IQSEC1: variants seen among roughly 807,000 people sequenced by gnomAD.
IQSEC1 encodes the protein IQ motif and SEC7 domain-containing protein 1.
In IQSEC1, 31 loss-of-function variants were observed where a neutral mutation model predicts 91.0. The observed-to-expected ratio is 0.34, with a 90% CI of 0.26 to 0.46. IQSEC1 has a LOEUF of 0.46. Ranked by LOEUF, IQSEC1 falls within the 20% of genes least tolerant of loss-of-function variation. The pLI, the probability that IQSEC1 is intolerant of heterozygous loss-of-function variation, is 1.00. For missense variants in IQSEC1, 1,388 were observed against 1,575.6 expected, an observed-to-expected ratio of 0.88 and a Z score of 2.02; for synonymous variants, 699 against 662.6, an observed-to-expected ratio of 1.05 and a Z score of -0.84.
intron 1 of IQSEC1, among the ~76,000 whole-genome samples, chr3:12,955,625 T>C (rs1488064074): frequency 6.6e-6 from 1 of 152,160 alleles, no homozygotes; most frequent in Non-Finnish European, 1.5e-5. Context: ...GTAACAGGCT[T>C]AAAACAGGAA....
chr3:13,280,165 G>A (rs1050618136), intron 1 of IQSEC1, among the ~76,000 whole-genome samples: 4 of 152,174 alleles, frequency 2.6e-5, no homozygotes, highest in South Asian at 2.1e-4. Flanking sequence ...CATGGTCACC[G>A]GCTGGGAAGT....
rs148992872 is a variant in IQSEC1 at position 12,953,286 on chromosome 3, G to A, written c.24-11421C>T. Reference sequence around the variant, plus strand: ...GAGCCTGGAACTGCCGGGGCAGCCCGACCCGATCCGCGAGGGACACTGAGG... The same window carrying A: ...GAGCCTGGAACTGCCGGGGCAGCCCAACCCGATCCGCGAGGGACACTGAGG... On this transcript the variant is annotated intron_variant, in intron 1 of 13. Transcript: ENST00000613206. Among the ~76,000 whole-genome samples, 147 of 152,324 alleles carry A rather than the reference G, an allele frequency of 9.7e-4. 1 individual carries two copies. The highest frequency in any genetic ancestry group is 3.4e-3 in the African/African-American group (141 of 41,566).
intron 1 of IQSEC1, among the ~76,000 whole-genome samples, chr3:13,042,605 T>A (rs1259457755): frequency 6.6e-6 from 1 of 152,242 alleles, no homozygotes; most frequent in East Asian, 1.9e-4. Context: ...CTCATGCTGC[T>A]GCTGTCTCTG....
intron 2 of IQSEC1, among the ~76,000 whole-genome samples, chr3:13,104,578 C>G (rs1450047404): frequency 6.6e-6 from 1 of 152,200 alleles, no homozygotes; most frequent in Non-Finnish European, 1.5e-5. Context: ...CATCCTCTTT[C>G]CCCTGTGCAC....
At chr3:13,069,614 T>C (rs1705348794) in intron 1 of IQSEC1, among the ~76,000 whole-genome samples, 1 of 152,140 alleles carries the variant, frequency 6.6e-6, no homozygotes, top group Non-Finnish European at 1.5e-5. Flanking sequence ...AGGCAGTGAA[T>C]GAATGATTGA....
At chr3:12,956,025 A>C (rs1395761665) in intron 1 of IQSEC1, among the ~76,000 whole-genome samples, 1 of 152,170 alleles carries the variant, frequency 6.6e-6, no homozygotes, top group Non-Finnish European at 1.5e-5. Flanking sequence ...TTTTATATGA[A>C]AATCTAAGTT....
At position 13,061,105 on chromosome 3, in the gene IQSEC1, T is replaced by C. The variant is rs1033785630; in HGVS notation, c.23+11887A>G. ...TCCCAGGCCACGCGTGGCCTGGCCCTCCCTGAGAAGTTGCTCTTGCTCAGG... is the reference window on the plus strand; with the variant it reads ...TCCCAGGCCACGCGTGGCCTGGCCCCCCCTGAGAAGTTGCTCTTGCTCAGG... On this transcript the variant is annotated intron_variant, in intron 1 of 13. Coordinates refer to ENST00000613206, the MANE Select transcript of IQSEC1 (RefSeq NM_001134382.3). Among the ~76,000 whole-genome samples, 7 of 152,216 alleles carry C rather than the reference T, an allele frequency of 4.6e-5. No individual in the cohort carries two copies. In the South Asian group the frequency reaches 6.2e-4, roughly 14 times the overall value.
intron 2 of IQSEC1, among the ~76,000 whole-genome samples, chr3:13,079,343 A>T (rs1191466621): frequency 6.6e-6 from 1 of 152,256 alleles, no homozygotes; most frequent in Non-Finnish European, 1.5e-5. Context: ...CAGGCATGGG[A>T]AACAAGGTGA....
At chr3:12,925,399 T>C (rs1697031615) in intron 3 of IQSEC1, among the ~76,000 whole-genome samples, 1 of 152,178 alleles carries the variant, frequency 6.6e-6, no homozygotes, top group African/African-American at 2.4e-5. Flanking sequence ...CCTGCGGTGC[T>C]CAGGAGCCCA....
chr3:12,901,039 G>A lies in IQSEC1; in HGVS notation c.3289C>T (p.Pro1097Ser). 1 of 1,543,094 alleles carries A rather than the reference G, an allele frequency of 6.5e-7. No homozygotes were observed. Among genetic ancestry groups the A allele is most frequent in the Non-Finnish European group, 8.7e-7 (1 of 1,146,502 alleles). Residue 1097 changes from proline to serine, a missense_variant, in exon 14 of 14, where the codon CCG (proline) becomes TCG (serine). Coordinates refer to ENST00000613206, the MANE Select transcript of IQSEC1 (RefSeq NM_001134382.3). The part of the protein sequence containing the change: ...TVHHHGQPPA[P>S]PPPTSSKAKP... ...GCCTTGCTGCTGGTGGGGGGCGGCG[G>A]GGCAGGGGGCTGCCCATGGTGGTGC...
chr3:13,199,873 GCCACACACACACA>G (rs1559275939), intron 1 of IQSEC1, among the ~76,000 whole-genome samples: 1 of 151,322 alleles, frequency 6.6e-6, no homozygotes, highest in East Asian at 1.9e-4. Context: ...ACACACATAT[GCCACACACACACA>G]CCACACACAC....
Position 12,897,842 on chromosome 3 carries a change from A to C in IQSEC1, c.*3141T>G, listed in dbSNP as rs1693803240. 1 of 152,220 alleles carries C rather than the reference A, an allele frequency of 6.6e-6. No homozygotes were observed. Among genetic ancestry groups the C allele is most frequent in the South Asian group, 2.1e-4 (1 of 4,830 alleles). The allele number at this position is 152,220 out of a possible 1,614,324, so 9.4% of individuals were successfully genotyped here. On this transcript the variant is annotated 3_prime_UTR_variant, in exon 14 of 14. Coordinates refer to ENST00000613206, the MANE Select transcript of IQSEC1 (RefSeq NM_001134382.3). The stretch of plus-strand genomic sequence containing the variant: ...CAGTGTGTGAGGGAAAGATCACTGC[A>C]CTGGGTGCTGAAGACATTTTTAAGC...
chr3:12,982,802 A>G (rs894810180), intron 1 of IQSEC1, among the ~76,000 whole-genome samples: 3 of 152,220 alleles, frequency 2.0e-5, no homozygotes, highest in African/African-American at 7.2e-5. Context: ...GTTGTTGGTC[A>G]CTTCAGGAAA....
At chr3:13,237,247 T>A (rs947511000) in intron 1 of IQSEC1, among the ~76,000 whole-genome samples, 2 of 152,186 alleles carry the variant, frequency 1.3e-5, no homozygotes, top group Non-Finnish European at 2.9e-5. Context: ...GGATGACGCC[T>A]GAGCAAGAGT....
chr3:13,023,978 T>C (rs1473729751), intron 1 of IQSEC1, among the ~76,000 whole-genome samples: 1 of 152,200 alleles, frequency 6.6e-6, no homozygotes, highest in African/African-American at 2.4e-5. Context: ...GTTTTTTCTT[T>C]AAGCTTCCCC....
Position 12,902,830 on chromosome 3 carries a change from G to A in IQSEC1, c.2756-8C>T. 6.2e-7 allele frequency: 1 copy of A among 1,610,876 alleles called. No individual in the cohort carries two copies. The highest frequency in any genetic ancestry group is 8.5e-7 in the Non-Finnish European group (1 of 1,177,114). On this transcript the variant is annotated splice_region_variant and splice_polypyrimidine_tract_variant and intron_variant, in intron 12 of 13. Coordinates refer to ENST00000613206, the MANE Select transcript of IQSEC1 (RefSeq NM_001134382.3). ...TGCGACGCCCTCGCTTCCCTGCCCA[G>A]AACATGCAATACCAGAAGTTAGACG... is the stretch of plus-strand genomic sequence containing the variant.
At position 12,970,905 on chromosome 3, in the gene IQSEC1, C is replaced by T. The variant is rs1700861204; in HGVS notation, c.24-29040G>A. On this transcript the variant is annotated intron_variant, in intron 1 of 13. Coordinates refer to ENST00000613206, the MANE Select transcript of IQSEC1 (RefSeq NM_001134382.3). This position sits in a 1 kb window ranked among gnomAD's most constrained non-coding sequence, Gnocchi z 4.4. ...TCCTTCCCTGCAGCAGCCCCTGTGC[C>T]GACAGTGGAGCCTGGTGCACAGAAG... 6.6e-6 allele frequency among the ~76,000 whole-genome samples: 1 copy of T among 152,208 alleles called. No homozygotes were observed. Among genetic ancestry groups the T allele is most frequent in the Admixed American group, 6.5e-5 (1 of 15,276 alleles).
chr3:13,273,865 C>T (rs1695628801), intron 1 of IQSEC1, among the ~76,000 whole-genome samples: 1 of 152,184 alleles, frequency 6.6e-6, no homozygotes, highest in South Asian at 2.1e-4. Flanking sequence ...CCTCCACCCT[C>T]CTCTCTCATG....
At chr3:13,269,995 G>A (rs939823005) in intron 1 of IQSEC1, among the ~76,000 whole-genome samples, 5 of 152,166 alleles carry the variant, frequency 3.3e-5, no homozygotes, top group African/African-American at 4.8e-5. Flanking sequence ...GGCTCTGGGG[G>A]CCCCTAGGCC....
Sources: allele counts gnomAD v4.1 joint callset (sites outside exome capture counted in the v4.1 genomes callset), GRCh38; gene constraint gnomAD v4.1.1; non-coding constraint Gnocchi (gnomAD v3.1); transcripts MANE v1.5; gene names NCBI Gene and HGNC (gene_info 2026-07-23, HGNC 2026-07-21).